Variants in KCNH8 observed in about 807,000 individuals in gnomAD.
KCNH8 encodes potassium voltage-gated channel subfamily H member 8.
A neutral mutation model predicts 103.6 loss-of-function variants in KCNH8; 70 were observed. The ratio of observed to expected loss-of-function variants is 0.68; its 90% confidence interval spans 0.56 to 0.82. KCNH8 has a LOEUF of 0.82. KCNH8 is among the 40% of genes least tolerant of loss of function. The pLI is 0.00. For synonymous variants in KCNH8, 498 were observed against 489.4 expected (o/e 1.02, Z -0.23); for missense variants, 1,217 against 1,329.9 (o/e 0.92, Z 1.32).
At chr3:19,321,760 T>A (rs1245974330) in intron 3 of KCNH8, among the ~76,000 whole-genome samples, 1 of 152,066 alleles carries the variant, frequency 6.6e-6, no homozygotes, top group Non-Finnish European at 1.5e-5. Flanking sequence ...ATGACCTGTC[T>A]AGTGCTGTCA....
chr3:19,449,320 C>G (rs2125181926), intron 8 of KCNH8, among the ~76,000 whole-genome samples: 1 of 141,302 alleles, frequency 7.1e-6, no homozygotes, highest in Non-Finnish European at 1.5e-5. Context: ...ATATATATAC[C>G]CTGCTGGTGC....
intron 5 of KCNH8, among the ~76,000 whole-genome samples, chr3:19,372,426 T>C (rs2066114471): frequency 6.6e-6 from 1 of 150,840 alleles, no homozygotes; most frequent in African/African-American, 2.4e-5. Context: ...CTGTTGTTGG[T>C]GTATAAGAAT....
intron 2 of KCNH8, among the ~76,000 whole-genome samples, chr3:19,257,193 C>T (rs553574847): frequency 6.6e-5 from 10 of 152,142 alleles, no homozygotes; most frequent in African/African-American, 2.4e-4. Flanking sequence ...CTTTAGAAAG[C>T]AGATGCTTAT....
Position 19,470,191 on chromosome 3 carries a change from A to G in KCNH8, c.2040+13209A>G, listed in dbSNP as rs558030676. Among the ~76,000 whole-genome samples the G allele has an allele frequency of 7.8e-4, 119 of 152,328 alleles. 1 individual carries two copies. The highest frequency in any genetic ancestry group is 6.8e-3 in the Middle Eastern group (2 of 294). On this transcript the variant is annotated intron_variant, in intron 11 of 15. Coordinates refer to ENST00000328405, the MANE Select transcript of KCNH8 (RefSeq NM_144633.3). ...CATTGATTGTAAACAATAGACATTC[A>G]ACTCAAATATAGCATTAAAAGAAGG... is the stretch of plus-strand genomic sequence containing the variant.
At chr3:19,209,489 A>T (rs974948345) in intron 1 of KCNH8, among the ~76,000 whole-genome samples, 1 of 152,078 alleles carries the variant, frequency 6.6e-6, no homozygotes, top group Non-Finnish European at 1.5e-5. Flanking sequence ...AACAAAGCTA[A>T]TTTAGTCTTT....
rs1377956690 is a variant in KCNH8 at position 19,278,878 on chromosome 3, C to A, written c.311-2320C>A. ...AATATTGCCATATCAACAGCTGTTT[C>A]CTTGGTTTTCACCTCATGTGGTTTT... is the stretch of plus-strand genomic sequence containing the variant. On this transcript the variant is annotated intron_variant, in intron 2 of 15. Transcript: ENST00000328405. 2.6e-5 allele frequency among the ~76,000 whole-genome samples: 4 copies of A among 152,252 alleles called. No individual in the cohort carries two copies. The South Asian group carries it at 8.3e-4, about 32-fold the overall frequency.
chr3:19,448,160 A>C, intron 8 of KCNH8, among the ~76,000 whole-genome samples: 1 of 151,914 alleles, frequency 6.6e-6, no homozygotes, highest in African/African-American at 2.4e-5. Context: ...GGCACTTTTT[A>C]AAAAATACAT....
intron 3 of KCNH8, among the ~76,000 whole-genome samples, chr3:19,284,627 C>A (rs554732352): frequency 6.7e-6 from 1 of 150,228 alleles, no homozygotes; most frequent in Non-Finnish European, 1.5e-5. Flanking sequence ...TTAAAACTAC[C>A]TTCTTTTTTG....
chr3:19,242,754 G>A (rs1482882643), intron 1 of KCNH8, among the ~76,000 whole-genome samples: 2 of 152,132 alleles, frequency 1.3e-5, no homozygotes, highest in Non-Finnish European at 2.9e-5. Context: ...ATACCTTGGA[G>A]GTTCTGCTTC....
intron 15 of KCNH8, among the ~76,000 whole-genome samples, chr3:19,531,081 G>A (rs1378731564): frequency 6.6e-6 from 1 of 152,158 alleles, no homozygotes; most frequent in African/African-American, 2.4e-5. Context: ...TTATTCTTCA[G>A]AGACTGTGCC....
At chr3:19,204,782 T>C (rs1052360325) in intron 1 of KCNH8, among the ~76,000 whole-genome samples, 22 of 152,098 alleles carry the variant, frequency 1.4e-4, no homozygotes, top group African/African-American at 5.3e-4. Context: ...TATGGAATTG[T>C]AAATGAAAGA....
intron 1 of KCNH8, among the ~76,000 whole-genome samples, chr3:19,174,599 C>T (rs2063379587): frequency 1.3e-5 from 2 of 152,090 alleles, no homozygotes; most frequent in South Asian, 4.1e-4. Flanking sequence ...ACTGAACTTG[C>T]AAGTTTTTAG....
chr3:19,261,051 C>G (rs1284688609), intron 2 of KCNH8, among the ~76,000 whole-genome samples: 4 of 149,376 alleles, frequency 2.7e-5, no homozygotes, highest in African/African-American at 9.8e-5. Flanking sequence ...CATATCTTGG[C>G]TGTTGTGATT....
At chr3:19,216,303 C>G (rs377509444) in intron 1 of KCNH8, among the ~76,000 whole-genome samples, 135 of 152,338 alleles carry the variant, frequency 8.9e-4, no homozygotes, top group African/African-American at 3.0e-3. Flanking sequence ...GCCTACTTCT[C>G]CATCAGGGAC....
chr3:19,342,771 G>A, intron 4 of KCNH8, 57 bp downstream of exon 4: 3 of 1,512,996 alleles, frequency 2.0e-6, no homozygotes, highest in Non-Finnish European at 1.8e-6. Context: ...GGCAATGTTT[G>A]ACTCGCTAAA....
chr3:19,274,217 T>C (rs1413076414), intron 2 of KCNH8, among the ~76,000 whole-genome samples: 2 of 152,132 alleles, frequency 1.3e-5, no homozygotes, highest in African/African-American at 2.4e-5. Context: ...CACATCTCAA[T>C]CTCCATAATT....
chr3:19,288,693 G>T (rs376208909), intron 3 of KCNH8, among the ~76,000 whole-genome samples: 1 of 152,116 alleles, frequency 6.6e-6, no homozygotes, highest in Non-Finnish European at 1.5e-5. Flanking sequence ...ATAAACATAC[G>T]TGTACATGTG....
intron 3 of KCNH8, among the ~76,000 whole-genome samples, chr3:19,333,197 G>T (rs2065534937): frequency 6.6e-6 from 1 of 151,980 alleles, no homozygotes; most frequent in Non-Finnish European, 1.5e-5. Context: ...TAATTGGATT[G>T]TTTGGTTTTC....
At chr3:19,423,151 T>C (rs1053146948) in intron 7 of KCNH8, among the ~76,000 whole-genome samples, 1 of 152,096 alleles carries the variant, frequency 6.6e-6, no homozygotes, top group Non-Finnish European at 1.5e-5. Flanking sequence ...CTCATGATTG[T>C]ACATTTGTTG....
Sources: allele counts gnomAD v4.1 joint callset (sites outside exome capture counted in the v4.1 genomes callset), GRCh38; gene constraint gnomAD v4.1.1; transcripts MANE v1.5; gene names NCBI Gene and HGNC (gene_info 2026-07-23, HGNC 2026-07-21).